The following PRKN variants were observed in gnomAD, a reference collection of about 807,000 sequenced individuals.
PRKN encodes the protein parkin RBR E3 ubiquitin protein ligase.
A neutral mutation model predicts 59.5 loss-of-function variants in PRKN; 56 were observed. The ratio of observed to expected loss-of-function variants is 0.94; its 90% CI spans 0.76 to 1.18. PRKN has a LOEUF of 1.18. PRKN is among the 50% of genes most tolerant of loss of function. PRKN has a pLI of 0.00. For missense variants in PRKN, 657 were observed against 596.4 expected (o/e 1.10, Z -1.06); for synonymous variants, 250 against 222.1 (o/e 1.13, Z -1.12).
intron 6 of PRKN, among the ~76,000 whole-genome samples, chr6:161,943,959 TTGAGGAAGCAGCC>T (rs1224327270): frequency 1.5e-5 from 2 of 137,740 alleles, no homozygotes; most frequent in African/African-American, 2.9e-5. Context: ...GGGATCAGCC[TTGAGGAAGCAGCC>T]TGAGGAAGCA....
chr6:162,255,477 C>A (rs1779603912), intron 3 of PRKN, among the ~76,000 whole-genome samples: 1 of 151,544 alleles, frequency 6.6e-6, no homozygotes, highest in Non-Finnish European at 1.5e-5. Flanking sequence ...CAAAACAGTG[C>A]ACTATTCACT....
intron 7 of PRKN, among the ~76,000 whole-genome samples, chr6:161,693,374 T>C (rs934859667): frequency 1.3e-5 from 2 of 152,298 alleles, no homozygotes; most frequent in Non-Finnish European, 2.9e-5. Flanking sequence ...GGGGAAAATG[T>C]ATGTGACTTA....
At chr6:161,366,678 C>G (rs1044189754) in intron 10 of PRKN, among the ~76,000 whole-genome samples, 5 of 152,096 alleles carry the variant, frequency 3.3e-5, no homozygotes, top group Non-Finnish European at 5.9e-5. Flanking sequence ...TGGGTCTTGG[C>G]CAATCCCAGC....
intron 9 of PRKN, among the ~76,000 whole-genome samples, chr6:161,504,265 C>A (rs1778066268): frequency 6.6e-6 from 1 of 152,170 alleles, no homozygotes; most frequent in Admixed American, 6.5e-5. Flanking sequence ...TTATCTGCAC[C>A]TCAGAGCTGG....
intron 6 of PRKN, among the ~76,000 whole-genome samples, chr6:161,910,279 G>C (rs1172287796): frequency 6.6e-6 from 1 of 152,136 alleles, no homozygotes. Flanking sequence ...TTTTGATACA[G>C]AGTTTCCCTC....
intron 1 of PRKN, among the ~76,000 whole-genome samples, chr6:162,611,439 A>T (rs1362179061): frequency 1.3e-5 from 2 of 152,238 alleles, no homozygotes; most frequent in African/African-American, 4.8e-5. Context: ...GTATTAACTG[A>T]CAACAGCTTC....
rs1487824637 is a variant in PRKN at position 161,503,655 on chromosome 6, C to T, written c.1083+45199G>A. Among the ~76,000 whole-genome samples, 14 of 152,134 alleles carry T rather than the reference C, an allele frequency of 9.2e-5. No homozygotes were observed. The highest frequency in any genetic ancestry group is 7.2e-4 in the Admixed American group (11 of 15,280). On this transcript the variant is annotated intron_variant, in intron 9 of 11. Transcript: ENST00000366898. This position sits in a 1 kb window ranked among gnomAD's most constrained non-coding sequence, Gnocchi z 5.1. ...AAGGCAGTTGCTCTGCCCCCAGAGC[C>T]CTGCTTCGAGAGCCTCTATGCTTCT...
chr6:162,646,656 T>C (rs1190112897), intron 1 of PRKN, among the ~76,000 whole-genome samples: 4 of 152,130 alleles, frequency 2.6e-5, no homozygotes, highest in Admixed American at 6.5e-5. Context: ...GAGAAATGTG[T>C]CATTAGGTGA....
At chr6:162,291,630 A>C (rs1336076497) in intron 2 of PRKN, among the ~76,000 whole-genome samples, 1 of 152,140 alleles carries the variant, frequency 6.6e-6, no homozygotes, top group Non-Finnish European at 1.5e-5. Context: ...CAAACATGAA[A>C]GATTTTTTGA....
At chr6:162,621,511 C>T (rs1782661706) in intron 1 of PRKN, among the ~76,000 whole-genome samples, 1 of 152,182 alleles carries the variant, frequency 6.6e-6, no homozygotes, top group African/African-American at 2.4e-5. Context: ...GTGGAAACAG[C>T]CACACTGCCC....
intron 4 of PRKN, among the ~76,000 whole-genome samples, chr6:162,153,126 C>G (rs1267436761): frequency 6.6e-6 from 1 of 152,094 alleles, no homozygotes; most frequent in Non-Finnish European, 1.5e-5. Flanking sequence ...TTTTCTTGAC[C>G]CCTTCACAGG....
At chr6:162,399,478 A>G (rs1425529058) in intron 2 of PRKN, among the ~76,000 whole-genome samples, 1 of 152,174 alleles carries the variant, frequency 6.6e-6, no homozygotes, top group Non-Finnish European at 1.5e-5. Context: ...CACATACAGG[A>G]CACCCCTCCA....
intron 7 of PRKN, among the ~76,000 whole-genome samples, chr6:161,589,804 G>T (rs1781651753): frequency 6.9e-6 from 1 of 145,166 alleles, no homozygotes; most frequent in Non-Finnish European, 1.5e-5. Flanking sequence ...TTTGGAGACA[G>T]GGTCTTGCTC....
chr6:162,399,088 A>G (rs1423398194), intron 2 of PRKN, among the ~76,000 whole-genome samples: 1 of 152,216 alleles, frequency 6.6e-6, no homozygotes, highest in African/African-American at 2.4e-5. Flanking sequence ...GGGACGGAAA[A>G]ACAGCATTTT....
chr6:161,793,864 C>G (rs1234585098), intron 6 of PRKN, among the ~76,000 whole-genome samples: 1 of 152,172 alleles, frequency 6.6e-6, no homozygotes, highest in African/African-American at 2.4e-5. Flanking sequence ...TATAAATTCT[C>G]TATCTCCTTT....
chr6:161,994,658 C>T (rs1781773172), intron 5 of PRKN, among the ~76,000 whole-genome samples: 1 of 151,762 alleles, frequency 6.6e-6, no homozygotes, highest in Admixed American at 6.6e-5. Flanking sequence ...AATAGTGTTT[C>T]TCTATACCAA....
rs903264765 is a variant in PRKN at position 161,552,319 on chromosome 6, T to C, written c.934-3316A>G. ...TCCAAGCCCCTCTCCCTCAGCTCTG[T>C]TCACCTCCGCCTATGACTGTGAATG... On this transcript the variant is annotated intron_variant, in intron 8 of 11. Coordinates refer to ENST00000366898, the MANE Select transcript of PRKN (RefSeq NM_004562.3). This position sits in a 1 kb window ranked among gnomAD's most constrained non-coding sequence, Gnocchi z 4.9. Among the ~76,000 whole-genome samples the C allele has an allele frequency of 5.5e-5, 8 of 144,642 alleles. No individual in the cohort carries two copies. Among genetic ancestry groups the C allele is most frequent in the African/African-American group, 2.1e-4 (8 of 38,102 alleles). 94.9% of individuals were successfully genotyped at this position (144,642 alleles called of 152,430 possible).
At chr6:162,486,236 A>G (rs932859569) in intron 1 of PRKN, among the ~76,000 whole-genome samples, 1 of 152,212 alleles carries the variant, frequency 6.6e-6, no homozygotes, top group East Asian at 1.9e-4. Context: ...GTACGTATGT[A>G]TGAATATGTA....
At chr6:161,628,810 T>C (rs1450088076) in intron 7 of PRKN, among the ~76,000 whole-genome samples, 1 of 152,192 alleles carries the variant, frequency 6.6e-6, no homozygotes, top group Non-Finnish European at 1.5e-5. Flanking sequence ...TGTGGGGATG[T>C]AGAGGCGCGT....
Sources: allele counts gnomAD v4.1 joint callset (sites outside exome capture counted in the v4.1 genomes callset), GRCh38; gene constraint gnomAD v4.1.1; non-coding constraint Gnocchi (gnomAD v3.1); transcripts MANE v1.5; gene names NCBI Gene and HGNC (gene_info 2026-07-23, HGNC 2026-07-21).